The following TSPAN9 variants were observed in gnomAD, a reference collection of about 807,000 sequenced individuals.
The protein encoded by TSPAN9 is tetraspanin-9.
TSPAN9 carries 16 observed loss-of-function variants against 31.0 expected under a neutral mutation model. That is an observed-to-expected ratio of 0.52 (90% CI 0.35 to 0.78). The LOEUF (loss-of-function observed/expected upper bound fraction) is 0.78, where lower values mean the gene tolerates loss of function less well. Among genes scored for constraint, TSPAN9 ranks in the 30% least tolerant of loss-of-function variants. The pLI, the probability that TSPAN9 is intolerant of heterozygous loss-of-function variation, is 0.01. For synonymous variants in TSPAN9, 145 were observed against 121.6 expected (o/e 1.19, Z -1.27); for missense variants, 272 against 312.5 (o/e 0.87, Z 0.98).
chr12:3,142,131 TCA>T (rs2098335143), intron 2 of TSPAN9, among the ~76,000 whole-genome samples: 1 of 152,108 alleles, frequency 6.6e-6, no homozygotes, highest in African/African-American at 2.4e-5. Context: ...CTGCCCAGTG[TCA>T]CACAGACTGA....
Position 3,279,063 on chromosome 12 carries a change from C to T in TSPAN9, c.327C>T (p.Asp109=). 1.2e-6 allele frequency: 2 copies of T among 1,613,940 alleles called. No homozygotes were observed. The highest frequency in any genetic ancestry group is 1.7e-6 in the Non-Finnish European group (2 of 1,179,846). The part of the protein sequence containing the change: ...ILLILFFVYM[D]KVNENAKKDL... ...TCATCCTCTTCTTTGTCTACATGGA[C>T]AAGGTAAGCCTTACCAGATGGGAGG... Residue 109 remains aspartate, a synonymous_variant, in exon 5 of 9, where the codon GAC becomes GAT. Coordinates refer to ENST00000011898, the MANE Select transcript of TSPAN9 (RefSeq NM_006675.5).
rs570875772 is a variant in TSPAN9 at position 3,127,752 on chromosome 12, T to G, written c.-18+44033T>G. ...CCAGTAACATAGTTGTTTATTATTC[T>G]TAAGTATTATGTACTGTCCATAATT... On this transcript the variant is annotated intron_variant, in intron 2 of 8. Transcript: ENST00000011898. Among the ~76,000 whole-genome samples the G allele has an allele frequency of 2.6e-5, 4 of 152,352 alleles. No homozygotes were observed. In the South Asian group the frequency reaches 8.3e-4, roughly 32 times the overall value.
intron 3 of TSPAN9, among the ~76,000 whole-genome samples, chr12:3,226,184 C>T (rs975437591): frequency 2.6e-5 from 4 of 151,868 alleles, no homozygotes; most frequent in Non-Finnish European, 2.9e-5. Context: ...GGAGGACGGT[C>T]GTGAGGGGCT....
intron 3 of TSPAN9, among the ~76,000 whole-genome samples, chr12:3,277,905 T>G (rs1862819180): frequency 6.6e-6 from 1 of 152,216 alleles, no homozygotes; most frequent in Admixed American, 6.5e-5. Context: ...CAAATGGCCC[T>G]TCGGGTCAGA....
rs189246078 is a variant in TSPAN9, at chr12:3,229,580, A to C, written c.63+28324A>C. Among the ~76,000 whole-genome samples the C allele has an allele frequency of 5.3e-5, 8 of 152,320 alleles. No individual in the cohort carries two copies. The East Asian group carries it at 1.5e-3, about 29-fold the overall frequency. On this transcript the variant is annotated intron_variant, in intron 3 of 8. Transcript: ENST00000011898. ...TGGGGCTTACTGGCAAGTAGCTTTC[A>C]CCAGGACCTATCCGTGTATTTGAGG...
intron 2 of TSPAN9, among the ~76,000 whole-genome samples, chr12:3,191,488 C>A (rs115024957): frequency 0.013 from 1,912 of 152,206 alleles, 44 homozygotes; most frequent in African/African-American, 0.043. Context: ...ACAACTAGTC[C>A]AGTCTGCTTG....
chr12:3,220,042 G>C (rs2098383529), intron 3 of TSPAN9, among the ~76,000 whole-genome samples: 1 of 151,790 alleles, frequency 6.6e-6, no homozygotes, highest in African/African-American at 2.4e-5. Flanking sequence ...CTGCTTGGAA[G>C]GCTAAGGCAG....
intron 2 of TSPAN9, among the ~76,000 whole-genome samples, chr12:3,113,657 C>G (rs1017556184): frequency 2.6e-5 from 4 of 152,198 alleles, no homozygotes; most frequent in Non-Finnish European, 5.9e-5. Context: ...TTCCCACATT[C>G]TCCAGTGACA....
At chr12:3,149,803 A>G (rs1209851037) in intron 2 of TSPAN9, 2 of 152,248 alleles carry the variant, frequency 1.3e-5, no homozygotes, top group African/African-American at 4.8e-5. Context: ...CTGAGTCTGA[A>G]GCTCTGGGAA....
chr12:3,254,806 A>T (rs1862315124), intron 3 of TSPAN9, among the ~76,000 whole-genome samples: 3 of 152,164 alleles, frequency 2.0e-5, no homozygotes, highest in Non-Finnish European at 2.9e-5. Context: ...ATTGATTCCA[A>T]GTCAGTTTCC....
chr12:3,213,485 C>T (rs532504630), intron 3 of TSPAN9, among the ~76,000 whole-genome samples: 7 of 152,276 alleles, frequency 4.6e-5, no homozygotes, highest in South Asian at 2.1e-4. Flanking sequence ...CCCTGGGGCT[C>T]AGAGGCCTGG....
At chr12:3,099,473 A>G (rs1011429928) in intron 2 of TSPAN9, among the ~76,000 whole-genome samples, 1 of 151,950 alleles carries the variant, frequency 6.6e-6, no homozygotes, top group African/African-American at 2.4e-5. Flanking sequence ...ATCTTTATCT[A>G]CTAGTTTCAT....
chr12:3,158,721 CAAAAA>C lies in TSPAN9; in HGVS notation c.-17-42438_-17-42434del, dbSNP rs765787475. On this transcript the variant is annotated intron_variant, in intron 2 of 8. Transcript: ENST00000011898. The stretch of plus-strand genomic sequence containing the variant: ...CAGGTGACAGAGCAAGACTCTGTCT[CAAAAA>C]AAAAAAAAAAAAAAAAAGCATAGGC... Among the ~76,000 whole-genome samples the C allele has an allele frequency of 1.6e-4, 9 of 57,896 alleles. No homozygotes were observed. In the South Asian group the frequency reaches 7.6e-3, roughly 49 times the overall value. The allele number at this position is 57,896 out of a possible 152,430, so 38.0% of individuals were successfully genotyped here.
intron 2 of TSPAN9, among the ~76,000 whole-genome samples, chr12:3,152,989 GC>G (rs796303169): frequency 1.1e-4 from 16 of 152,370 alleles, no homozygotes; most frequent in African/African-American, 3.8e-4. Context: ...ACGGGTGGGG[GC>G]CCCAGGACGG....
At chr12:3,121,834 A>T (rs1174546652) in intron 2 of TSPAN9, among the ~76,000 whole-genome samples, 1 of 152,130 alleles carries the variant, frequency 6.6e-6, no homozygotes, top group Non-Finnish European at 1.5e-5. Flanking sequence ...TTGCCCTTGT[A>T]CACAGTAACT....
At chr12:3,160,953 G>C (rs2098344815) in intron 2 of TSPAN9, among the ~76,000 whole-genome samples, 1 of 152,148 alleles carries the variant, frequency 6.6e-6, no homozygotes, top group Non-Finnish European at 1.5e-5. Flanking sequence ...GGCTGCGGTG[G>C]CTCACGCCTA....
intron 2 of TSPAN9, among the ~76,000 whole-genome samples, chr12:3,142,177 T>A (rs1004034994): frequency 6.6e-6 from 1 of 152,130 alleles, no homozygotes; most frequent in African/African-American, 2.4e-5. Flanking sequence ...GCTGCTGGGG[T>A]GACGCTGCTG....
chr12:3,212,508 C>T (rs1016521755), intron 3 of TSPAN9, among the ~76,000 whole-genome samples: 22 of 87,902 alleles, frequency 2.5e-4, no homozygotes, highest in African/African-American at 7.5e-4. Flanking sequence ...AACTCCTGGC[C>T]TTAAGCAATC....
At chr12:3,152,219 C>G (rs1309776241) in intron 2 of TSPAN9, among the ~76,000 whole-genome samples, 1 of 152,218 alleles carries the variant, frequency 6.6e-6, no homozygotes, top group East Asian at 1.9e-4. Context: ...GCAGCTGCCA[C>G]TTCCCAGCCC....
Sources: gnomAD v4.1 joint callset for allele counts (sites outside exome capture counted in the v4.1 genomes callset) on GRCh38, gnomAD v4.1.1 for gene constraint, MANE v1.5 for transcripts, NCBI Gene and HGNC (gene_info 2026-07-23, HGNC 2026-07-21) for gene names.